GMDS: variants seen among roughly 807,000 people sequenced by gnomAD.
GMDS encodes GDP-mannose 4,6 dehydratase.
A neutral mutation model predicts 49.9 loss-of-function variants in GMDS; 20 were observed. The observed-to-expected ratio is 0.40, with a 90% CI of 0.28 to 0.58. GMDS has a LOEUF of 0.58. Ranked by LOEUF, GMDS falls within the 20% of genes least tolerant of loss-of-function variation. GMDS has a pLI of 0.42. For missense variants in GMDS, 362 were observed against 481.4 expected (o/e 0.75, Z 2.32); for synonymous variants, 177 against 178.6 (o/e 0.99, Z 0.07).
chr6:1,886,928 T>C (rs1023649788), intron 7 of GMDS, among the ~76,000 whole-genome samples: 2 of 152,260 alleles, frequency 1.3e-5, no homozygotes, highest in African/African-American at 4.8e-5. Context: ...TGGCAACTGC[T>C]GCTACTACTT....
intron 7 of GMDS, among the ~76,000 whole-genome samples, chr6:1,888,042 G>C (rs1759690048): frequency 6.6e-6 from 1 of 151,924 alleles, no homozygotes; most frequent in African/African-American, 2.4e-5. Context: ...TTGACCGCCT[G>C]GGCTAAAATG....
intron 8 of GMDS, among the ~76,000 whole-genome samples, chr6:1,733,179 TGG>T (rs1204612716): frequency 1.3e-5 from 2 of 152,146 alleles, no homozygotes; most frequent in Non-Finnish European, 2.9e-5. Flanking sequence ...ACTAACAGGG[TGG>T]GCAGATGAAA....
rs148882069 is a variant in GMDS at position 1,705,107 on chromosome 6, G to GT, written c.987+21308dup. Among the ~76,000 whole-genome samples, 242 of 152,366 alleles carry GT rather than the reference G, an allele frequency of 1.6e-3. 2 individuals carry two copies. In the East Asian group the frequency reaches 0.039, roughly 24 times the overall value. ...CGATGACTACTGAACATTTTGACCAGTAAGTGTTGATAGCTGACCACATGT... is the reference window on the plus strand; with the variant it reads ...CGATGACTACTGAACATTTTGACCAGTTAAGTGTTGATAGCTGACCACATGT... On this transcript the variant is annotated intron_variant, in intron 9 of 10. Transcript: ENST00000380815.
chr6:2,228,489 A>G (rs1230786689), intron 1 of GMDS, among the ~76,000 whole-genome samples: 3 of 152,242 alleles, frequency 2.0e-5, no homozygotes, highest in Non-Finnish European at 2.9e-5. Context: ...AGTACAATTA[A>G]GAAAGCATCC....
intron 1 of GMDS, among the ~76,000 whole-genome samples, chr6:2,176,146 C>A (rs1228455642): frequency 1.3e-5 from 2 of 152,192 alleles, no homozygotes; most frequent in African/African-American, 4.8e-5. Context: ...CTCCCCACAT[C>A]AGTTACTTTT....
Position 1,635,876 on chromosome 6 carries a change from C to G in GMDS, c.988-11336G>C, listed in dbSNP as rs1213540142. ...AGCCTCGGCACCTCCAGCACTGCGT[C>G]TGGGAGCTGCTCTTCTCTGCTCTCA... On this transcript the variant is annotated intron_variant, in intron 9 of 10. Transcript: ENST00000380815. The surrounding 1 kb of genome is among the most constrained non-coding windows in gnomAD (Gnocchi z 4.7). Among the ~76,000 whole-genome samples the G allele has an allele frequency of 6.6e-6, 1 of 152,226 alleles. No individual in the cohort carries two copies. Among genetic ancestry groups the G allele is most frequent in the Non-Finnish European group, 1.5e-5 (1 of 68,036 alleles).
chr6:2,189,538 G>A (rs1007872368), intron 1 of GMDS, among the ~76,000 whole-genome samples: 3 of 152,172 alleles, frequency 2.0e-5, no homozygotes, highest in Non-Finnish European at 4.4e-5. Flanking sequence ...CTGGGATGGG[G>A]CCCAGGAATC....
intron 4 of GMDS, among the ~76,000 whole-genome samples, chr6:2,071,498 CA>C (rs1771996530): frequency 6.6e-6 from 1 of 151,896 alleles, no homozygotes; most frequent in African/African-American, 2.4e-5. Flanking sequence ...TTGTATATCC[CA>C]CATGGCTACC....
chr6:2,071,084 T>A (rs1390904721), intron 4 of GMDS, among the ~76,000 whole-genome samples: 1 of 152,128 alleles, frequency 6.6e-6, no homozygotes, highest in African/African-American at 2.4e-5. Context: ...AATGGCTTGC[T>A]CTGTCTCTTG....
At chr6:1,660,405 A>G (rs927627627) in intron 9 of GMDS, among the ~76,000 whole-genome samples, 2 of 152,136 alleles carry the variant, frequency 1.3e-5, no homozygotes, top group Non-Finnish European at 2.9e-5. Flanking sequence ...AAAATCCAAA[A>G]GAAACAAAAA....
chr6:1,827,170 C>T (rs1771159375), intron 7 of GMDS, among the ~76,000 whole-genome samples: 1 of 150,166 alleles, frequency 6.7e-6, no homozygotes. Context: ...CACACACACA[C>T]ATATCCAGGA....
chr6:2,067,474 G>A (rs907307856), intron 4 of GMDS, among the ~76,000 whole-genome samples: 4 of 151,934 alleles, frequency 2.6e-5, no homozygotes, highest in Non-Finnish European at 4.4e-5. Flanking sequence ...ATGAATCCAG[G>A]AGCTGCTTTT....
At chr6:1,742,875 T>C (rs541467525) in intron 7 of GMDS, among the ~76,000 whole-genome samples, 1 of 152,334 alleles carries the variant, frequency 6.6e-6, no homozygotes, top group Non-Finnish European at 1.5e-5. Flanking sequence ...ATTCTCATAG[T>C]GCAGGTCCTC....
chr6:2,220,752 A>G (rs762690814), intron 1 of GMDS, among the ~76,000 whole-genome samples: 7 of 152,182 alleles, frequency 4.6e-5, no homozygotes, highest in Non-Finnish European at 7.4e-5. Flanking sequence ...TACGTATATG[A>G]AAATATTTCA....
At chr6:1,636,503 T>C (rs900236002) in intron 9 of GMDS, among the ~76,000 whole-genome samples, 6 of 152,338 alleles carry the variant, frequency 3.9e-5, no homozygotes, top group African/African-American at 1.2e-4. Context: ...GCGTGCAGCA[T>C]GAAGATCACT....
At chr6:2,015,440 G>A (rs1474664182) in intron 4 of GMDS, among the ~76,000 whole-genome samples, 1 of 152,142 alleles carries the variant, frequency 6.6e-6, no homozygotes, top group Non-Finnish European at 1.5e-5. Flanking sequence ...CAAGATAAAT[G>A]TTTAAATATT....
chr6:1,762,453 C>A (rs76175053), intron 7 of GMDS, among the ~76,000 whole-genome samples: 5 of 152,318 alleles, frequency 3.3e-5, no homozygotes, highest in Non-Finnish European at 7.3e-5. Context: ...CATGCTCGCA[C>A]GGCGAGCAAC....
At chr6:1,701,296 A>G (rs1765536932) in intron 9 of GMDS, among the ~76,000 whole-genome samples, 1 of 152,178 alleles carries the variant, frequency 6.6e-6, no homozygotes, top group Non-Finnish European at 1.5e-5. Flanking sequence ...TACAGGCTAC[A>G]TTTCTTTCAT....
chr6:1,868,483 A>G (rs1581276247), intron 7 of GMDS, among the ~76,000 whole-genome samples: 1 of 152,202 alleles, frequency 6.6e-6, no homozygotes, highest in East Asian at 1.9e-4. Flanking sequence ...TCATCACAAG[A>G]CTGCCTCACA....
Sources: allele counts gnomAD v4.1 joint callset (sites outside exome capture counted in the v4.1 genomes callset), GRCh38; gene constraint gnomAD v4.1.1; non-coding constraint Gnocchi (gnomAD v3.1); transcripts MANE v1.5; gene names NCBI Gene and HGNC (gene_info 2026-07-23, HGNC 2026-07-21).